Variants in FILIP1L observed in about 807,000 individuals in gnomAD.
The protein encoded by FILIP1L is filamin A-interacting protein 1-like.
Under a neutral mutation model 96.6 loss-of-function variants are expected in FILIP1L, and 55 were observed. The observed-to-expected ratio is 0.57, with a 90% CI of 0.46 to 0.71. FILIP1L has a LOEUF of 0.71. FILIP1L is among the 30% of genes least tolerant of loss of function. The pLI is 0.00. For missense variants in FILIP1L, 1,304 were observed against 1,321.2 expected, an observed-to-expected ratio of 0.99 and a Z score of 0.20; for synonymous variants, 467 against 473.9, an observed-to-expected ratio of 0.99 and a Z score of 0.19.
intron 4 of FILIP1L, among the ~76,000 whole-genome samples, chr3:99,902,882 A>G (rs13100490): frequency 0.067 from 10,152 of 152,266 alleles, 400 homozygotes; most frequent in Middle Eastern, 0.085. Context: ...TAAAGAGGAA[A>G]AAAATCTATG....
chr3:100,075,547 GTCTTCTCTTTTCTTTT>G (rs2065836499), intron 1 of FILIP1L: 1 of 149,334 alleles, frequency 6.7e-6, no homozygotes, highest in Non-Finnish European at 1.5e-5. Flanking sequence ...CCCAATCTTT[GTCTTCTCTTTTCTTTT>G]TCTTTTTTTT....
intron 1 of FILIP1L, among the ~76,000 whole-genome samples, chr3:99,953,553 G>C (rs552704777): frequency 6.6e-6 from 1 of 152,078 alleles, no homozygotes; most frequent in East Asian, 1.9e-4. Flanking sequence ...CCTTTGAATG[G>C]GGTCCTAAAT....
chr3:100,055,206 A>G (rs1216146509), intron 1 of FILIP1L, among the ~76,000 whole-genome samples: 1 of 152,162 alleles, frequency 6.6e-6, no homozygotes, highest in Non-Finnish European at 1.5e-5. Flanking sequence ...TTCTTCGTGT[A>G]TGCATAGGAT....
At chr3:100,073,725 A>C (rs958792181) in intron 1 of FILIP1L, among the ~76,000 whole-genome samples, 1 of 152,072 alleles carries the variant, frequency 6.6e-6, no homozygotes, top group South Asian at 2.1e-4. Flanking sequence ...GCCGGTGTTC[A>C]CTCTACATTC....
intron 1 of FILIP1L, among the ~76,000 whole-genome samples, chr3:100,081,784 C>A (rs2107406199): frequency 6.6e-6 from 1 of 152,186 alleles, no homozygotes; most frequent in East Asian, 1.9e-4. Flanking sequence ...TGTTTTAGAG[C>A]CAGGTTTCTC....
intron 1 of FILIP1L, among the ~76,000 whole-genome samples, chr3:100,006,428 C>T (rs1311063421): frequency 6.6e-6 from 1 of 151,986 alleles, no homozygotes; most frequent in Non-Finnish European, 1.5e-5. Flanking sequence ...AACTATTACC[C>T]ACAAATGGAT....
At chr3:100,052,945 T>A (rs563220169) in intron 1 of FILIP1L, among the ~76,000 whole-genome samples, 24 of 152,340 alleles carry the variant, frequency 1.6e-4, no homozygotes, top group African/African-American at 5.5e-4. Flanking sequence ...TTCCCCTAAA[T>A]AAGATGAAAT....
At chr3:99,991,086 G>T (rs979789707) in intron 1 of FILIP1L, among the ~76,000 whole-genome samples, 2 of 152,140 alleles carry the variant, frequency 1.3e-5, no homozygotes, top group Non-Finnish European at 2.9e-5. Flanking sequence ...GGTCAGTCCT[G>T]ACATAAGACC....
At chr3:100,042,228 G>A (rs2065216951) in intron 1 of FILIP1L, among the ~76,000 whole-genome samples, 1 of 152,174 alleles carries the variant, frequency 6.6e-6, no homozygotes, top group Non-Finnish European at 1.5e-5. Flanking sequence ...CCACAAGCTT[G>A]TAAGATTCCT....
At chr3:100,096,873 T>C (rs1319226158) in intron 1 of FILIP1L, among the ~76,000 whole-genome samples, 1 of 152,206 alleles carries the variant, frequency 6.6e-6, no homozygotes, top group Non-Finnish European at 1.5e-5. Flanking sequence ...ATATCTCATA[T>C]ACCCCATAAA....
intron 1 of FILIP1L, among the ~76,000 whole-genome samples, chr3:100,045,676 T>A (rs759202257): frequency 6.6e-6 from 1 of 152,228 alleles, no homozygotes; most frequent in Non-Finnish European, 1.5e-5. Context: ...GATTGATTTG[T>A]TGAGAAATAT....
intron 4 of FILIP1L, among the ~76,000 whole-genome samples, chr3:99,899,488 C>A (rs1017795448): frequency 1.1e-4 from 17 of 152,140 alleles, no homozygotes; most frequent in Non-Finnish European, 2.2e-4. Context: ...CACAACTAAA[C>A]AAGTTATTGT....
intron 1 of FILIP1L, among the ~76,000 whole-genome samples, chr3:99,993,477 C>T (rs1325017105): frequency 6.6e-6 from 1 of 152,062 alleles, no homozygotes; most frequent in Non-Finnish European, 1.5e-5. Flanking sequence ...ATTTCTTTCT[C>T]TTACCTGACT....
intron 4 of FILIP1L, among the ~76,000 whole-genome samples, chr3:99,861,803 C>T (rs1226671254): frequency 2.0e-5 from 3 of 152,104 alleles, no homozygotes; most frequent in African/African-American, 2.4e-5. Context: ...CAGTGCAGAG[C>T]GAGAAATTCA....
chr3:99,834,876 C>A (rs1576495226), intron 5 of FILIP1L, among the ~76,000 whole-genome samples: 1 of 152,156 alleles, frequency 6.6e-6, no homozygotes, highest in Non-Finnish European at 1.5e-5. Flanking sequence ...TCAGTTTCCT[C>A]TTTTGTAATC....
chr3:100,110,158 G>A (rs951830106), intron 1 of FILIP1L: 13 of 152,002 alleles, frequency 8.6e-5, no homozygotes, highest in African/African-American at 2.7e-4. Flanking sequence ...ACTACTAACT[G>A]CACCTGCTTA....
intron 1 of FILIP1L, among the ~76,000 whole-genome samples, chr3:99,936,957 G>A (rs188134725): frequency 6.6e-6 from 1 of 151,992 alleles, no homozygotes; most frequent in East Asian, 1.9e-4. Context: ...CTTTTTTTGA[G>A]ACGGAGTTTT....
intron 1 of FILIP1L, among the ~76,000 whole-genome samples, chr3:100,026,415 A>G (rs1294198248): frequency 1.3e-5 from 2 of 151,964 alleles, no homozygotes; most frequent in African/African-American, 4.8e-5. Flanking sequence ...TAGTGAACCA[A>G]AGGGCCAGTG....
chr3:99,864,956 A>G (rs1298529117), intron 4 of FILIP1L, among the ~76,000 whole-genome samples: 7 of 152,260 alleles, frequency 4.6e-5, no homozygotes, highest in South Asian at 2.1e-4. Flanking sequence ...TCATTGGTCT[A>G]TTTTGTTTAA....
Sources: gnomAD v4.1 joint callset for allele counts (sites outside exome capture counted in the v4.1 genomes callset) on GRCh38, gnomAD v4.1.1 for gene constraint, MANE v1.5 for transcripts, NCBI Gene and HGNC (gene_info 2026-07-23, HGNC 2026-07-21) for gene names.